Variants in NXPH1 observed in about 807,000 individuals in gnomAD.
NXPH1 encodes neurexophilin 1, also known as neurexophilin-1.
A neutral mutation model predicts 23.7 loss-of-function variants in NXPH1; 5 were observed. The observed-to-expected ratio is 0.21, with a 90% CI of 0.11 to 0.44. The LOEUF (loss-of-function observed/expected upper bound fraction) is 0.44, where lower values mean the gene tolerates loss of function less well. Ranked by LOEUF, NXPH1 falls within the 20% of genes least tolerant of loss-of-function variation. The pLI, the probability that NXPH1 is intolerant of heterozygous loss-of-function variation, is 0.99. For missense variants in NXPH1, 324 were observed against 321.6 expected (o/e 1.01, Z -0.06); for synonymous variants, 144 against 122.2 (o/e 1.18, Z -1.18).
At chr7:8,711,720 G>A (rs1156721055) in intron 2 of NXPH1, among the ~76,000 whole-genome samples, 1 of 152,152 alleles carries the variant, frequency 6.6e-6, no homozygotes, top group Non-Finnish European at 1.5e-5. Context: ...AGATGCTGCA[G>A]AATGAACAAG....
At chr7:8,556,270 G>C (rs1013278286) in intron 2 of NXPH1, among the ~76,000 whole-genome samples, 3 of 151,664 alleles carry the variant, frequency 2.0e-5, no homozygotes, top group African/African-American at 7.3e-5. Flanking sequence ...CCCCAAATTT[G>C]GTGACTTGAC....
intron 2 of NXPH1, among the ~76,000 whole-genome samples, chr7:8,469,712 G>C (rs1451668831): frequency 6.6e-6 from 1 of 152,014 alleles, no homozygotes; most frequent in African/African-American, 2.4e-5. Context: ...ACTATGATGA[G>C]GGTAAAATAC....
chr7:8,473,116 C>A (rs1264848243), intron 2 of NXPH1, among the ~76,000 whole-genome samples: 1 of 152,156 alleles, frequency 6.6e-6, no homozygotes, highest in African/African-American at 2.4e-5. Flanking sequence ...AACTGATGGT[C>A]TTTTAAAATC....
At chr7:8,568,739 T>C (rs1409078477) in intron 2 of NXPH1, among the ~76,000 whole-genome samples, 1 of 151,832 alleles carries the variant, frequency 6.6e-6, no homozygotes, top group Non-Finnish European at 1.5e-5. Context: ...ACCCTGCTGG[T>C]ACTTGAGGTC....
chr7:8,562,114 A>G (rs915918878), intron 2 of NXPH1, among the ~76,000 whole-genome samples: 1 of 151,666 alleles, frequency 6.6e-6, no homozygotes, highest in Admixed American at 6.6e-5. Context: ...GAGGAAGGGA[A>G]TATTTTATTA....
At chr7:8,697,917 C>T (rs1227661859) in intron 2 of NXPH1, among the ~76,000 whole-genome samples, 1 of 152,134 alleles carries the variant, frequency 6.6e-6, no homozygotes, top group Non-Finnish European at 1.5e-5. Flanking sequence ...CTCCTATAGG[C>T]AGGATCATTT....
intron 2 of NXPH1, among the ~76,000 whole-genome samples, chr7:8,540,697 G>A (rs577809754): frequency 1.3e-5 from 2 of 151,940 alleles, no homozygotes; most frequent in African/African-American, 2.4e-5. Flanking sequence ...CCATGTAAAT[G>A]TGAAGAAATT....
intron 2 of NXPH1, among the ~76,000 whole-genome samples, chr7:8,552,008 A>G (rs1174105485): frequency 1.3e-5 from 2 of 150,774 alleles, no homozygotes; most frequent in African/African-American, 4.9e-5. Flanking sequence ...CAGTTTGCTT[A>G]GCTGCAAAAT....
At chr7:8,588,433 G>A (rs1408040418) in intron 2 of NXPH1, among the ~76,000 whole-genome samples, 1 of 151,058 alleles carries the variant, frequency 6.6e-6, no homozygotes, top group African/African-American at 2.5e-5. Context: ...AGGAAAGACA[G>A]GGAAAGTTGT....
intron 2 of NXPH1, among the ~76,000 whole-genome samples, chr7:8,552,110 A>T (rs1818284957): frequency 6.8e-6 from 1 of 147,486 alleles, no homozygotes; most frequent in Admixed American, 6.7e-5. Flanking sequence ...TGCAGAAAAA[A>T]AACCAAAAAA....
At chr7:8,502,432 T>A (rs1352997253) in intron 2 of NXPH1, among the ~76,000 whole-genome samples, 2 of 152,020 alleles carry the variant, frequency 1.3e-5, no homozygotes, top group African/African-American at 4.8e-5. Flanking sequence ...GTGCATATTA[T>A]GTACAAGGTG....
chr7:8,709,369 G>T (rs1292345475), intron 2 of NXPH1, among the ~76,000 whole-genome samples: 1 of 151,984 alleles, frequency 6.6e-6, no homozygotes, highest in Non-Finnish European at 1.5e-5. Flanking sequence ...TGAATTCTTG[G>T]TGGGATGAGT....
intron 2 of NXPH1, among the ~76,000 whole-genome samples, chr7:8,487,636 T>G (rs183617588): frequency 3.5e-4 from 53 of 152,280 alleles, no homozygotes; most frequent in African/African-American, 1.3e-3. Flanking sequence ...CTCTAATCAC[T>G]GTAACACTTT....
intron 2 of NXPH1, among the ~76,000 whole-genome samples, chr7:8,664,609 G>C (rs1820731910): frequency 6.6e-6 from 1 of 152,086 alleles, no homozygotes; most frequent in Non-Finnish European, 1.5e-5. Context: ...CCTCTAGACT[G>C]TTTTCCATAA....
At chr7:8,494,924 C>G (rs1323038703) in intron 2 of NXPH1, among the ~76,000 whole-genome samples, 5 of 152,006 alleles carry the variant, frequency 3.3e-5, no homozygotes, top group Non-Finnish European at 7.4e-5. Context: ...TGTACTCCCA[C>G]TAAATGCTGT....
intron 2 of NXPH1, among the ~76,000 whole-genome samples, chr7:8,621,203 A>C (rs75640695): frequency 0.031 from 4,790 of 152,268 alleles, 258 homozygotes; most frequent in East Asian, 0.17. Context: ...ATAGATTCAA[A>C]AGTGATAGTC....
At chr7:8,667,454 G>A (rs1201469041) in intron 2 of NXPH1, among the ~76,000 whole-genome samples, 5 of 101,018 alleles carry the variant, frequency 4.9e-5, no homozygotes, top group Admixed American at 2.6e-4. Flanking sequence ...AGTATTCTTG[G>A]TTGACAGTTT....
chr7:8,478,889 C>G (rs139463325), intron 2 of NXPH1, among the ~76,000 whole-genome samples: 25 of 152,056 alleles, frequency 1.6e-4, no homozygotes, highest in African/African-American at 5.3e-4. Flanking sequence ...ATTTTTATAT[C>G]TAGAAAAACT....
chr7:8,565,098 C>A (rs1818516629), intron 2 of NXPH1, among the ~76,000 whole-genome samples: 1 of 151,886 alleles, frequency 6.6e-6, no homozygotes, highest in Non-Finnish European at 1.5e-5. Context: ...GACGGCACCA[C>A]AAATCAGATG....
Sources: allele counts gnomAD v4.1 joint callset (sites outside exome capture counted in the v4.1 genomes callset), GRCh38; gene constraint gnomAD v4.1.1; transcripts MANE v1.5; gene names NCBI Gene and HGNC (gene_info 2026-07-23, HGNC 2026-07-21).